Variants in FMN1 observed in about 807,000 individuals in gnomAD.
FMN1 encodes the protein formin-1.
A neutral mutation model predicts 132.4 loss-of-function variants in FMN1; 110 were observed. The ratio of observed to expected loss-of-function variants is 0.83; its 90% CI spans 0.71 to 0.97. The LOEUF (loss-of-function observed/expected upper bound fraction) is 0.97. FMN1 is among the 50% of genes least tolerant of loss of function. FMN1 has a pLI of 0.00. For missense variants in FMN1, 1,792 were observed against 1,705.3 expected, an observed-to-expected ratio of 1.05 and a Z score of -0.90; for synonymous variants, 722 against 651.7, an observed-to-expected ratio of 1.11 and a Z score of -1.64.
intron 6 of FMN1, among the ~76,000 whole-genome samples, chr15:33,042,951 A>G (rs2036507861): frequency 6.6e-6 from 1 of 152,072 alleles, no homozygotes; most frequent in East Asian, 1.9e-4. Flanking sequence ...ATCCTTATCC[A>G]TAACACAAAA....
chr15:33,008,146 C>G, intron 6 of FMN1, 71 bp from the exon 7 acceptor site: 1 of 1,189,390 alleles, frequency 8.4e-7, no homozygotes, highest in South Asian at 1.3e-5. Flanking sequence ...TACTGGTCCT[C>G]TTAGAAATAA....
chr15:33,069,864 G>C (rs1431430154), intron 5 of FMN1, among the ~76,000 whole-genome samples: 4 of 151,802 alleles, frequency 2.6e-5, no homozygotes, highest in Non-Finnish European at 5.9e-5. Context: ...AAAATTCAAT[G>C]GTGTCTTTTA....
intron 5 of FMN1, among the ~76,000 whole-genome samples, chr15:33,077,979 T>C (rs961074077): frequency 2.0e-5 from 3 of 151,988 alleles, no homozygotes; most frequent in African/African-American, 7.3e-5. Context: ...ATTAAAAAGT[T>C]AGGAAACAAC....
At chr15:33,147,747 C>G (rs73380671) in intron 4 of FMN1, among the ~76,000 whole-genome samples, 7 of 152,250 alleles carry the variant, frequency 4.6e-5, no homozygotes, top group African/African-American at 1.7e-4. Context: ...CAGAAACTGA[C>G]CTTAAAATAC....
chr15:33,128,605 C>T (rs1365080264), intron 4 of FMN1, among the ~76,000 whole-genome samples: 1 of 152,184 alleles, frequency 6.6e-6, no homozygotes, highest in Non-Finnish European at 1.5e-5. Context: ...ACAAACATAC[C>T]CGCGGACCTT....
intron 4 of FMN1, among the ~76,000 whole-genome samples, chr15:33,090,752 A>G (rs2038874929): frequency 1.3e-5 from 2 of 152,184 alleles, no homozygotes. Flanking sequence ...CTCAAGACAT[A>G]GGAATGAACT....
intron 17 of FMN1, 81 bp from the exon 18 acceptor site, chr15:32,804,413 T>A: frequency 3.8e-5 from 10 of 265,476 alleles, no homozygotes; most frequent in Non-Finnish European, 4.1e-5. Context: ...TTACACCCAT[T>A]CATTACCACA....
At position 32,773,918 on chromosome 15, in the gene FMN1, C is replaced by A; in HGVS notation, c.*392G>T. On this transcript the variant is annotated 3_prime_UTR_variant, in exon 21 of 21. Coordinates refer to ENST00000616417, the MANE Select transcript of FMN1 (RefSeq NM_001277313.2). ...GACAAAGACTTGAACTCTCCCAAGG[C>A]AACTGTCCTCAATGATCTTTTCTCT... is the stretch of plus-strand genomic sequence containing the variant. 1 of 221,028 alleles carries A rather than the reference C, an allele frequency of 4.5e-6. No individual in the cohort carries two copies. The highest frequency in any genetic ancestry group is 8.7e-6 in the Non-Finnish European group (1 of 114,392). 13.7% of individuals were successfully genotyped at this position (221,028 alleles called of 1,614,324 possible).
chr15:33,053,822 G>A (rs1052773725), intron 6 of FMN1, among the ~76,000 whole-genome samples: 3 of 152,210 alleles, frequency 2.0e-5, no homozygotes, highest in African/African-American at 7.2e-5. Context: ...CTTTTCCAAC[G>A]TGAGGATGTG....
intron 4 of FMN1, among the ~76,000 whole-genome samples, chr15:33,132,726 G>A (rs1480284199): frequency 6.6e-6 from 1 of 152,020 alleles, no homozygotes; most frequent in Non-Finnish European, 1.5e-5. Context: ...TTGTTTCCTA[G>A]GAACACCTTT....
In FMN1 at chr15:33,153,618, C is replaced by T; in HGVS notation, c.1297G>A (p.Ala433Thr). Residue 433 changes from alanine (A) to threonine (T), a missense_variant, in exon 4 of 21, where the codon GCC (alanine) becomes ACC (threonine). Ala to Thr is a moderately conservative substitution (Grantham distance 58). This residue lies in a region of FMN1 where 638 missense variants were observed against 645.2 expected (regional missense o/e 0.99). Transcript: ENST00000616417. The stretch of plus-strand genomic sequence containing the variant: ...AAGCCCAGTCTTTTCCCCTCAGGGG[C>T]TTCATCTAACTTCTCACTCTCTATC... ...KVIESEKLDE[A>T]PEGKRLGFPV... 6.5e-7 allele frequency: 1 copy of T among 1,536,226 alleles called. No individual in the cohort carries two copies. Among genetic ancestry groups the T allele is most frequent in the Non-Finnish European group, 8.7e-7 (1 of 1,146,892 alleles).
chr15:33,160,973 T>C (rs548613683), intron 3 of FMN1, among the ~76,000 whole-genome samples: 1 of 152,354 alleles, frequency 6.6e-6, no homozygotes, highest in Non-Finnish European at 1.5e-5. Flanking sequence ...AGATGCTATC[T>C]ATTGTTCATA....
chr15:33,067,372 A>G (rs2037787892), intron 5 of FMN1: 1 of 1,613,922 alleles, frequency 6.2e-7, no homozygotes, highest in Non-Finnish European at 8.5e-7. Flanking sequence ...CAGATAAAAC[A>G]CCACTAGGGG....
chr15:32,852,179 AC>A (rs1208854016), intron 17 of FMN1, among the ~76,000 whole-genome samples: 5 of 152,152 alleles, frequency 3.3e-5, no homozygotes, highest in African/African-American at 1.2e-4. Flanking sequence ...TACAAAGTTA[AC>A]CTGTCTAAAG....
At chr15:33,109,506 G>T (rs553529232) in intron 4 of FMN1, among the ~76,000 whole-genome samples, 2 of 152,164 alleles carry the variant, frequency 1.3e-5, no homozygotes, top group South Asian at 4.1e-4. Flanking sequence ...ATACTACACA[G>T]CCATAAAAAA....
At chr15:33,010,848 T>C (rs980452005) in intron 6 of FMN1, among the ~76,000 whole-genome samples, 1 of 150,954 alleles carries the variant, frequency 6.6e-6, no homozygotes, top group Non-Finnish European at 1.5e-5. Flanking sequence ...TCAACAGAAA[T>C]ATGTAAAGAC....
At chr15:33,135,074 A>G (rs1198661267) in intron 4 of FMN1, among the ~76,000 whole-genome samples, 2 of 152,218 alleles carry the variant, frequency 1.3e-5, no homozygotes, top group Admixed American at 6.5e-5. Context: ...TAGCCTATAC[A>G]TGGGAAATAT....
chr15:33,185,005 G>A (rs1965831056), intron 2 of FMN1, among the ~76,000 whole-genome samples: 1 of 152,174 alleles, frequency 6.6e-6, no homozygotes, highest in Admixed American at 6.5e-5. Context: ...GAGAGATTAT[G>A]AAAAGCTTCA....
At chr15:33,026,410 T>TCTCACACACACACACACA (rs1555384314) in intron 6 of FMN1, among the ~76,000 whole-genome samples, 3 of 140,116 alleles carry the variant, frequency 2.1e-5, no homozygotes, top group Non-Finnish European at 4.6e-5. Context: ...GTCCAAATTT[T>TCTCACACACACACACACA]CACACACACA....
Sources: allele counts gnomAD v4.1 joint callset (sites outside exome capture counted in the v4.1 genomes callset), GRCh38; gene constraint gnomAD v4.1.1; regional missense constraint gnomAD v4.1.1; transcripts MANE v1.5; gene names NCBI Gene and HGNC (gene_info 2026-07-23, HGNC 2026-07-21).